NELL1: variants seen among roughly 807,000 people sequenced by gnomAD.
The protein encoded by NELL1 is protein kinase C-binding protein NELL1.
Under a neutral mutation model 107.4 loss-of-function variants are expected in NELL1, and 76 were observed. That is an observed-to-expected ratio of 0.71 (90% CI 0.59 to 0.86). The LOEUF is 0.86. NELL1 is among the 40% of genes least tolerant of loss of function. The pLI is 0.00. For missense variants in NELL1, 1,024 were observed against 1,005.5 expected (o/e 1.02, Z -0.25); for synonymous variants, 353 against 341.2 (o/e 1.03, Z -0.38).
chr11:21,382,667 C>T (rs988443524), intron 15 of NELL1, among the ~76,000 whole-genome samples: 1 of 151,842 alleles, frequency 6.6e-6, no homozygotes, highest in African/African-American at 2.4e-5. Context: ...TTCCATAGGG[C>T]CCTTTGTAAC....
intron 2 of NELL1, among the ~76,000 whole-genome samples, chr11:20,712,210 C>T (rs1855131119): frequency 6.6e-6 from 1 of 152,104 alleles, no homozygotes; most frequent in Non-Finnish European, 1.5e-5. Context: ...TCTTTGAGCT[C>T]TGAAGATCTT....
At chr11:21,562,241 T>A (rs4922845) in intron 17 of NELL1, among the ~76,000 whole-genome samples, 132,710 of 152,044 alleles carry the variant, frequency 0.87, 58,486 homozygotes, top group Non-Finnish European at 0.94. Context: ...AAGCAACGTA[T>A]ATTGATTTCT....
At position 21,282,360 on chromosome 11, in the gene NELL1, A is replaced by C. The variant is rs190735513; in HGVS notation, c.1549+52906A>C. 3.5e-3 allele frequency among the ~76,000 whole-genome samples: 530 copies of C among 152,014 alleles called. 2 individuals carry two copies. The highest frequency in any genetic ancestry group is 0.012 in the African/African-American group (506 of 41,486). ...ACACCTGGCTAATTTTTGTGGTTTT[A>C]ATAGAAACAGCGTTTAGGCTGAGGC... On this transcript the variant is annotated intron_variant, in intron 14 of 19. Coordinates refer to ENST00000357134, the MANE Select transcript of NELL1 (RefSeq NM_006157.5).
At chr11:21,565,240 G>C (rs1856943021) in intron 17 of NELL1, among the ~76,000 whole-genome samples, 1 of 151,874 alleles carries the variant, frequency 6.6e-6, no homozygotes, top group Admixed American at 6.6e-5. Flanking sequence ...CTTATTGGTA[G>C]GTTTCATTTG....
chr11:21,569,431 A>G (rs934311160), intron 17 of NELL1, among the ~76,000 whole-genome samples: 3 of 151,470 alleles, frequency 2.0e-5, no homozygotes, highest in South Asian at 4.2e-4. Context: ...ATGACACAAG[A>G]TAAGTATTAA....
intron 15 of NELL1, among the ~76,000 whole-genome samples, chr11:21,450,107 G>T (rs1271859922): frequency 6.6e-6 from 1 of 152,028 alleles, no homozygotes; most frequent in African/African-American, 2.4e-5. Context: ...GCAGCTTTAG[G>T]TTACTTCTGA....
At chr11:21,499,729 C>T (rs1564926694) in intron 15 of NELL1, among the ~76,000 whole-genome samples, 2 of 152,050 alleles carry the variant, frequency 1.3e-5, no homozygotes, top group Admixed American at 6.6e-5. Context: ...TCATGACTCT[C>T]TGGGAAAGGA....
At chr11:21,156,176 A>AT (rs759531944) in intron 13 of NELL1, among the ~76,000 whole-genome samples, 4 of 152,178 alleles carry the variant, frequency 2.6e-5, no homozygotes, top group Admixed American at 6.6e-5. Context: ...GAGAGTGAAC[A>AT]TGTGACTGAA....
intron 2 of NELL1, among the ~76,000 whole-genome samples, chr11:20,728,115 T>C (rs1313210193): frequency 6.6e-6 from 1 of 152,124 alleles, no homozygotes; most frequent in African/African-American, 2.4e-5. Flanking sequence ...TTTCGAGGAG[T>C]GTTTGTTCAC....
At position 21,114,639 on chromosome 11, in the gene NELL1, C is replaced by T. The variant is rs115373525; in HGVS notation, c.1426+925C>T. Among the ~76,000 whole-genome samples, 1,133 of 151,900 alleles carry T rather than the reference C, an allele frequency of 7.5e-3. 15 individuals are homozygous for T. Among genetic ancestry groups the T allele is most frequent in the African/African-American group, 0.026 (1,064 of 41,448 alleles). On this transcript the variant is annotated intron_variant, in intron 13 of 19. Coordinates refer to ENST00000357134, the MANE Select transcript of NELL1 (RefSeq NM_006157.5). Reference sequence around the variant, plus strand: ...ATGTTAGTATGTCCAAATTTCTTTGCCAGTGATGTCTATTTATAAGTTACT... The same window carrying T: ...ATGTTAGTATGTCCAAATTTCTTTGTCAGTGATGTCTATTTATAAGTTACT...
In NELL1 at chr11:20,885,557, T is replaced by C. The variant is rs1369316762; in HGVS notation, c.603+17T>C. Reference sequence around the variant, plus strand: ...TTATTCAAAGTAAGCACTAACGTTCTTTTTATTGAAGTATATATATAGGCG... The same window carrying C: ...TTATTCAAAGTAAGCACTAACGTTCCTTTTATTGAAGTATATATATAGGCG... On this transcript the variant is annotated intron_variant, in intron 5 of 19. Coordinates refer to ENST00000357134, the MANE Select transcript of NELL1 (RefSeq NM_006157.5). The C allele has an allele frequency of 6.8e-7, 1 of 1,474,770 alleles. No homozygotes were observed. The highest frequency in any genetic ancestry group is 1.7e-5 in the Admixed American group (1 of 59,786). 91.4% of individuals were successfully genotyped at this position (1,474,770 alleles called of 1,614,324 possible).
At chr11:20,787,021 A>AAAAAG (rs1554920668) in intron 3 of NELL1, among the ~76,000 whole-genome samples, 13 of 146,108 alleles carry the variant, frequency 8.9e-5, no homozygotes, top group African/African-American at 3.1e-4. Flanking sequence ...AAAAAAAAAA[A>AAAAAG]AAAAAAAAAA....
chr11:21,290,398 GATAA>G (rs367977438), intron 14 of NELL1, among the ~76,000 whole-genome samples: 43,099 of 146,392 alleles, frequency 0.29, 7,571 homozygotes, highest in Middle Eastern at 0.4. Flanking sequence ...AAAATAAATA[GATAA>G]ATAAATAAAT....
chr11:21,080,908 C>T lies in NELL1; in HGVS notation c.1301-32681C>T, dbSNP rs184055457. On this transcript the variant is annotated intron_variant, in intron 12 of 19. Coordinates refer to ENST00000357134, the MANE Select transcript of NELL1 (RefSeq NM_006157.5). ...TATATTACATACACACACACACACA[C>T]GCACACACACACAGAGATAAAATGG... Among the ~76,000 whole-genome samples the T allele has an allele frequency of 8.9e-3, 1,356 of 151,960 alleles. 24 individuals are homozygous for T. Among genetic ancestry groups the T allele is most frequent in the African/African-American group, 0.029 (1,182 of 41,464 alleles).
chr11:21,171,512 A>G (rs1025740601), intron 13 of NELL1, among the ~76,000 whole-genome samples: 2 of 151,840 alleles, frequency 1.3e-5, no homozygotes, highest in African/African-American at 4.9e-5. Context: ...TTTCTATGTT[A>G]TTAGCATTTT....
At chr11:21,322,594 T>C (rs983971203) in intron 14 of NELL1, among the ~76,000 whole-genome samples, 1 of 152,156 alleles carries the variant, frequency 6.6e-6, no homozygotes, top group Non-Finnish European at 1.5e-5. Flanking sequence ...TACTCTATGG[T>C]ATTCCATTCT....
intron 13 of NELL1, among the ~76,000 whole-genome samples, chr11:21,207,812 A>T (rs1258148391): frequency 6.6e-6 from 1 of 152,156 alleles, no homozygotes; most frequent in Admixed American, 6.6e-5. Flanking sequence ...CAGTGCTGGG[A>T]TTTGTATCTA....
intron 15 of NELL1, among the ~76,000 whole-genome samples, chr11:21,516,772 C>G (rs1300054960): frequency 1.3e-5 from 2 of 151,672 alleles, no homozygotes; most frequent in Admixed American, 6.6e-5. Context: ...GACACACACA[C>G]TCTTCTTTTA....
At chr11:21,389,440 A>G (rs904116260) in intron 15 of NELL1, among the ~76,000 whole-genome samples, 2 of 151,822 alleles carry the variant, frequency 1.3e-5, no homozygotes, top group African/African-American at 4.8e-5. Flanking sequence ...AAAACTTTGG[A>G]TTAGTAAATG....
Sources: gnomAD v4.1 joint callset for allele counts (sites outside exome capture counted in the v4.1 genomes callset) on GRCh38, gnomAD v4.1.1 for gene constraint, MANE v1.5 for transcripts, NCBI Gene and HGNC (gene_info 2026-07-23, HGNC 2026-07-21) for gene names.